DENND4C: variants seen among roughly 807,000 people sequenced by gnomAD.
The protein encoded by DENND4C is DENN domain containing 4C.
DENND4C carries 108 observed loss-of-function variants against 203.0 expected under a neutral mutation model. The ratio of observed to expected loss-of-function variants is 0.53; its 90% CI spans 0.46 to 0.62. The LOEUF (loss-of-function observed/expected upper bound fraction) is 0.62. Among genes scored for constraint, DENND4C ranks in the 20% least tolerant of loss-of-function variants. The pLI, the probability that DENND4C is intolerant of heterozygous loss-of-function variation, is 0.00. For synonymous variants in DENND4C, 871 were observed against 792.4 expected (o/e 1.10, Z -1.67); for missense variants, 2,481 against 2,301.2 (o/e 1.08, Z -1.60).
At chr9:19,266,350 G>A (rs1830496627) in intron 1 of DENND4C, among the ~76,000 whole-genome samples, 1 of 151,880 alleles carries the variant, frequency 6.6e-6, no homozygotes, top group Non-Finnish European at 1.5e-5. Context: ...TGTAGATTCT[G>A]GATATTAGCC....
intron 1 of DENND4C, among the ~76,000 whole-genome samples, chr9:19,247,770 T>G (rs2131560481): frequency 6.6e-6 from 1 of 152,340 alleles, no homozygotes; most frequent in Admixed American, 6.5e-5. Context: ...GAATTATTGG[T>G]TTATTTCCTC....
In DENND4C at chr9:19,324,314, C is replaced by G. The variant is rs55695239; in HGVS notation, c.1808-48C>G. 3,248 of 1,426,700 alleles carry G rather than the reference C, an allele frequency of 2.3e-3. 60 individuals carry two copies. In the African/African-American group the frequency reaches 0.038, roughly 17 times the overall value. The allele number at this position is 1,426,700 out of a possible 1,614,324, so 88.4% of individuals were successfully genotyped here. ...ACAAGTTTAATGTTTCCTATAATAT[C>G]GAATTCCAGTTTAAAATTTGAATTT... is the stretch of plus-strand genomic sequence containing the variant. On this transcript the variant is annotated intron_variant, in intron 12 of 32. Transcript: ENST00000434457.
At chr9:19,243,366 C>T (rs890779178) in intron 1 of DENND4C, among the ~76,000 whole-genome samples, 1 of 152,198 alleles carries the variant, frequency 6.6e-6, no homozygotes, top group African/African-American at 2.4e-5. Context: ...ATTAACATAA[C>T]ATGAAATTTG....
At chr9:19,352,249 T>A in intron 25 of DENND4C, 67 bp downstream of exon 25, 1 of 1,439,830 alleles carries the variant, frequency 6.9e-7, no homozygotes, top group African/African-American at 1.4e-5. Flanking sequence ...GAATGGCATT[T>A]AACAGGATTC....
chr9:19,287,866 G>C (rs952592602), intron 3 of DENND4C, among the ~76,000 whole-genome samples: 6 of 152,156 alleles, frequency 3.9e-5, no homozygotes, highest in African/African-American at 1.4e-4. Flanking sequence ...CCAGGTAGCT[G>C]GGGCTACGGG....
intron 16 of DENND4C, among the ~76,000 whole-genome samples, chr9:19,328,629 A>G (rs1818351359): frequency 8.0e-6 from 1 of 124,252 alleles, no homozygotes; most frequent in Non-Finnish European, 1.7e-5. Flanking sequence ...AAGTCTATAT[A>G]TGTGTCTGTC....
At chr9:19,233,625 ATCTC>A (rs1050793408) in intron 1 of DENND4C, among the ~76,000 whole-genome samples, 6 of 130,024 alleles carry the variant, frequency 4.6e-5, no homozygotes, top group Non-Finnish European at 7.8e-5. Context: ...CAGTGGTGTG[ATCTC>A]GGCTCACTGC....
In DENND4C at chr9:19,374,197, C is replaced by T. The variant is rs1001360482; in HGVS notation, c.*2024C>T. ...ATCCCAATATTTTGTTTTTTCCATT[C>T]CTTCACTCGTAACTTGAACTCAAGT... On this transcript the variant is annotated 3_prime_UTR_variant, in exon 33 of 33. Coordinates refer to ENST00000434457, the MANE Select transcript of DENND4C (RefSeq NM_001330640.2). Among the ~76,000 whole-genome samples the T allele has an allele frequency of 3.3e-5, 5 of 152,096 alleles. No homozygotes were observed. The East Asian group carries it at 9.7e-4, about 29-fold the overall frequency.
intron 1 of DENND4C, among the ~76,000 whole-genome samples, chr9:19,239,810 C>T (rs921022226): frequency 6.6e-6 from 1 of 152,096 alleles, no homozygotes; most frequent in African/African-American, 2.4e-5. Flanking sequence ...AAAATATTTC[C>T]ATGCTTGTTT....
intron 3 of DENND4C, 149 bp downstream of exon 3, chr9:19,287,170 T>A: frequency 1.3e-6 from 1 of 775,184 alleles, no homozygotes. Flanking sequence ...TTTGTAATAA[T>A]TTTTAAAGTC....
intron 1 of DENND4C, among the ~76,000 whole-genome samples, chr9:19,274,622 G>A (rs1453279682): frequency 6.6e-6 from 1 of 152,092 alleles, no homozygotes; most frequent in Admixed American, 6.6e-5. Context: ...CTTGATTGTG[G>A]TAATGGTTTT....
At chr9:19,299,761 G>A (rs531790462) in intron 8 of DENND4C, among the ~76,000 whole-genome samples, 23 of 151,938 alleles carry the variant, frequency 1.5e-4, no homozygotes, top group Admixed American at 2.6e-4. Flanking sequence ...TTTTGAAAAC[G>A]CAAATATAAT....
intron 10 of DENND4C, among the ~76,000 whole-genome samples, chr9:19,309,422 CAAA>C (rs778968240): frequency 4.2e-5 from 4 of 94,908 alleles, no homozygotes; most frequent in Admixed American, 1.1e-4. Context: ...AACTCCATCT[CAAA>C]AAAAAAAAAA....
intron 12 of DENND4C, among the ~76,000 whole-genome samples, chr9:19,322,683 C>G (rs915635871): frequency 7.5e-5 from 11 of 145,968 alleles, no homozygotes; most frequent in Non-Finnish European, 1.5e-4. Flanking sequence ...TTGCAGTGAG[C>G]CAAGATTGAC....
Position 19,365,853 on chromosome 9 carries a change from T to C in DENND4C, c.5524+3890T>C, listed in dbSNP as rs939296265. ...TAATAGCATTAGAACAAAATACTTA[T>C]GGATAAATTGAACCAAAGAAATGCA... is the stretch of plus-strand genomic sequence containing the variant. On this transcript the variant is annotated intron_variant, in intron 30 of 32. Coordinates refer to ENST00000434457, the MANE Select transcript of DENND4C (RefSeq NM_001330640.2). Among the ~76,000 whole-genome samples the C allele has an allele frequency of 4.6e-5, 7 of 152,076 alleles. No individual in the cohort carries two copies. The South Asian group carries it at 8.3e-4, about 18-fold the overall frequency.
intron 20 of DENND4C, among the ~76,000 whole-genome samples, chr9:19,337,840 T>G (rs895011188): frequency 1.3e-5 from 2 of 152,216 alleles, no homozygotes; most frequent in Non-Finnish European, 2.9e-5. Context: ...TCCAGCTAAC[T>G]TTTTATGGTC....
At chr9:19,315,088 A>G (rs1321891347) in intron 10 of DENND4C, among the ~76,000 whole-genome samples, 2 of 147,786 alleles carry the variant, frequency 1.4e-5, no homozygotes, top group Non-Finnish European at 3.0e-5. Flanking sequence ...TGAACCTGGA[A>G]TGCGGAGGTT....
chr9:19,238,453 C>CCTCCCCTCCCT (rs1822606975), intron 1 of DENND4C, among the ~76,000 whole-genome samples: 1 of 63,698 alleles, frequency 1.6e-5, no homozygotes, highest in African/African-American at 7.1e-5. Context: ...CTTTCCTTCC[C>CCTCCCCTCCCT]CTCCCCTCCC....
chr9:19,357,857 T>G (rs1825723499), intron 27 of DENND4C, 108 bp from the exon 28 acceptor site: 1 of 870,588 alleles, frequency 1.1e-6, no homozygotes. Context: ...TGATTCTTCT[T>G]AGATATATTT....
Sources: allele counts gnomAD v4.1 joint callset (sites outside exome capture counted in the v4.1 genomes callset), GRCh38; gene constraint gnomAD v4.1.1; transcripts MANE v1.5; gene names NCBI Gene and HGNC (gene_info 2026-07-23, HGNC 2026-07-21).